GPC5: variants seen among roughly 807,000 people sequenced by gnomAD.
GPC5 encodes glypican 5, also known as glypican-5.
In GPC5, 47 loss-of-function variants were observed where a neutral mutation model predicts 53.9. The ratio of observed to expected loss-of-function variants is 0.87; its 90% CI spans 0.69 to 1.11. The LOEUF is 1.11. Among genes scored for constraint, GPC5 ranks in the 50% most tolerant of loss-of-function variants. The probability of loss-of-function intolerance (pLI) is 0.00; values close to 1 mark genes in which losing one functional copy is unlikely to be tolerated. For missense variants in GPC5, 748 were observed against 713.1 expected (o/e 1.05, Z -0.56); for synonymous variants, 286 against 263.3 (o/e 1.09, Z -0.84).
intron 7 of GPC5, among the ~76,000 whole-genome samples, chr13:92,421,782 CATAGTGGA>C (rs1876580303): frequency 6.6e-6 from 1 of 150,902 alleles, no homozygotes; most frequent in African/African-American, 2.4e-5. Context: ...AGCTTTTACT[CATAGTGGA>C]AGGCAAAGCC....
intron 7 of GPC5, among the ~76,000 whole-genome samples, chr13:92,657,579 G>GTTTT (rs67038073): frequency 1.9e-4 from 20 of 106,724 alleles, no homozygotes; most frequent in African/African-American, 5.2e-4. Flanking sequence ...AGGTTTTTTG[G>GTTTT]TTTTTTTTTT....
intron 6 of GPC5, among the ~76,000 whole-genome samples, chr13:92,012,047 C>T (rs1209395853): frequency 6.6e-6 from 1 of 152,084 alleles, no homozygotes. Flanking sequence ...TTGGGTAATT[C>T]AATGTAGAAC....
At chr13:91,833,895 G>A (rs1233997698) in intron 5 of GPC5, among the ~76,000 whole-genome samples, 1 of 152,062 alleles carries the variant, frequency 6.6e-6, no homozygotes, top group African/African-American at 2.4e-5. Context: ...TCTGGCCAGG[G>A]CAATCAAGCA....
intron 6 of GPC5, among the ~76,000 whole-genome samples, chr13:91,930,091 C>T (rs771304376): frequency 2.6e-5 from 4 of 151,802 alleles, no homozygotes; most frequent in Non-Finnish European, 5.9e-5. Context: ...AATGTAGATC[C>T]CTTTGTTCAA....
chr13:91,749,184 T>A (rs2037116811), intron 4 of GPC5, among the ~76,000 whole-genome samples: 1 of 152,090 alleles, frequency 6.6e-6, no homozygotes, highest in Non-Finnish European at 1.5e-5. Context: ...CACTTCCACC[T>A]CCCACCTTCC....
At chr13:91,445,947 T>G (rs976091567) in intron 1 of GPC5, among the ~76,000 whole-genome samples, 3 of 152,210 alleles carry the variant, frequency 2.0e-5, no homozygotes, top group Non-Finnish European at 4.4e-5. Context: ...GGGGTTCTCC[T>G]GATCTCAGAT....
At chr13:92,791,786 G>C (rs1438894198) in intron 7 of GPC5, among the ~76,000 whole-genome samples, 1 of 151,934 alleles carries the variant, frequency 6.6e-6, no homozygotes, top group Non-Finnish European at 1.5e-5. Flanking sequence ...CATTTAAAGT[G>C]TATAATTCAA....
intron 6 of GPC5, among the ~76,000 whole-genome samples, chr13:91,978,672 T>C (rs1485525755): frequency 2.0e-5 from 3 of 152,162 alleles, no homozygotes; most frequent in Non-Finnish European, 4.4e-5. Flanking sequence ...CCACAGCCAG[T>C]GGACCATGGA....
chr13:91,751,043 A>G (rs1435267287), intron 4 of GPC5, among the ~76,000 whole-genome samples: 1 of 151,954 alleles, frequency 6.6e-6, no homozygotes, highest in Non-Finnish European at 1.5e-5. Context: ...TTTTTGTTTA[A>G]TATACCTACC....
chr13:91,584,121 A>G (rs999168282), intron 2 of GPC5, among the ~76,000 whole-genome samples: 12 of 152,204 alleles, frequency 7.9e-5, no homozygotes, highest in African/African-American at 2.9e-4. Context: ...GAAGATGGCC[A>G]TCTGCAAGCG....
intron 2 of GPC5, among the ~76,000 whole-genome samples, chr13:91,559,058 C>T (rs990036836): frequency 6.6e-6 from 1 of 151,926 alleles, no homozygotes; most frequent in Non-Finnish European, 1.5e-5. Flanking sequence ...TACAGAATTA[C>T]TACTAGATTG....
At chr13:91,552,690 T>G (rs2030716188) in intron 2 of GPC5, among the ~76,000 whole-genome samples, 1 of 152,278 alleles carries the variant, frequency 6.6e-6, no homozygotes, top group South Asian at 2.1e-4. Flanking sequence ...GGCTTAAGAA[T>G]GCCTTTAAGG....
chr13:91,668,541 A>G (rs2035170888), intron 2 of GPC5, among the ~76,000 whole-genome samples: 1 of 152,078 alleles, frequency 6.6e-6, no homozygotes, highest in Non-Finnish European at 1.5e-5. Flanking sequence ...TTTTGTTGTT[A>G]TTTACACTTT....
At chr13:91,422,645 G>GA (rs72463929) in intron 1 of GPC5, among the ~76,000 whole-genome samples, 87,745 of 148,638 alleles carry the variant, frequency 0.59, 25,976 homozygotes, top group South Asian at 0.73. Context: ...AAAGAAAAAA[G>GA]AAAAAAAAAA....
chr13:91,431,225 C>T lies in GPC5; in HGVS notation c.164-17536C>T, dbSNP rs9583926. Among the ~76,000 whole-genome samples the T allele has an allele frequency of 8.7e-3, 1,326 of 152,138 alleles. 22 individuals carry two copies. Among genetic ancestry groups the T allele is most frequent in the South Asian group, 0.077 (371 of 4,798 alleles). The stretch of plus-strand genomic sequence containing the variant: ...TATTTATTTCTGGGCACACAAAAGC[C>T]GTGGTGATTGAGATGGGACAGTTTT... On this transcript the variant is annotated intron_variant, in intron 1 of 7. Coordinates refer to ENST00000377067, the MANE Select transcript of GPC5 (RefSeq NM_004466.6).
At chr13:92,300,162 A>G (rs1341142578) in intron 7 of GPC5, among the ~76,000 whole-genome samples, 1 of 152,208 alleles carries the variant, frequency 6.6e-6, no homozygotes, top group Non-Finnish European at 1.5e-5. Context: ...ACTATAGAAC[A>G]ATGGATATTG....
intron 1 of GPC5, among the ~76,000 whole-genome samples, chr13:91,430,813 G>C (rs1024928661): frequency 2.0e-5 from 3 of 152,122 alleles, no homozygotes; most frequent in African/African-American, 7.2e-5. Flanking sequence ...CCATTAATGT[G>C]CGTGTTAAAC....
intron 6 of GPC5, among the ~76,000 whole-genome samples, chr13:92,101,737 G>C (rs1375766078): frequency 6.6e-6 from 1 of 152,162 alleles, no homozygotes; most frequent in African/African-American, 2.4e-5. Context: ...AAAGTGACCT[G>C]TTCCAAAAAG....
chr13:91,617,055 T>G (rs2033715822), intron 2 of GPC5, among the ~76,000 whole-genome samples: 1 of 152,168 alleles, frequency 6.6e-6, no homozygotes, highest in Admixed American at 6.6e-5. Flanking sequence ...CTTTTTAGCA[T>G]TAAATCCACT....
Sources: gnomAD v4.1 joint callset for allele counts (sites outside exome capture counted in the v4.1 genomes callset) on GRCh38, gnomAD v4.1.1 for gene constraint, MANE v1.5 for transcripts, NCBI Gene and HGNC (gene_info 2026-07-23, HGNC 2026-07-21) for gene names.